The following CUL9 variants were observed in gnomAD, a reference collection of about 807,000 sequenced individuals.
CUL9 encodes the protein cullin-9.
Under a neutral mutation model 272.6 loss-of-function variants are expected in CUL9, and 79 were observed. That is an observed-to-expected ratio of 0.29 (90% CI 0.24 to 0.35). The LOEUF (loss-of-function observed/expected upper bound fraction) is 0.35. CUL9 is among the 10% of genes least tolerant of loss of function. The probability of loss-of-function intolerance (pLI) is 1.00; values close to 1 mark genes in which losing one functional copy is unlikely to be tolerated. For missense variants in CUL9, 2,532 were observed against 3,255.6 expected, an observed-to-expected ratio of 0.78 and a Z score of 5.41; for synonymous variants, 1,186 against 1,286.5, an observed-to-expected ratio of 0.92 and a Z score of 1.67.
At position 43,198,631 on chromosome 6, in the gene CUL9, G is replaced by A. The variant is rs1356598319; in HGVS notation, c.2826G>A (p.Gln942=). 1.2e-6 allele frequency: 2 copies of A among 1,614,196 alleles called. No individual in the cohort carries two copies. The highest frequency in any genetic ancestry group is 1.7e-6 in the Non-Finnish European group (2 of 1,180,032). ...CAGCACTAGAGACCCCCATCATCCA[G>A]GGTCAGGATGGGTCCCCTGAGCTAC... ...ERAALETPII[Q]GQDGSPELLI... is the part of the protein sequence containing the mutation. Residue 942 remains glutamine, a synonymous_variant, in exon 12 of 41, where the codon CAG becomes CAA. Coordinates refer to ENST00000252050, the MANE Select transcript of CUL9 (RefSeq NM_015089.4).
At chr6:43,202,862 T>C in intron 17 of CUL9, 41 bp downstream of exon 17, 2 of 1,577,346 alleles carry the variant, frequency 1.3e-6, no homozygotes, top group Non-Finnish European at 1.7e-6. Flanking sequence ...CTCCACATCC[T>C]TCTTTTTGTC....
At position 43,187,061 on chromosome 6, in the gene CUL9, G is replaced by A. The variant is rs754150924; in HGVS notation, c.1353G>A (p.Val451=). The A allele has an allele frequency of 1.2e-6, 2 of 1,614,108 alleles. No homozygotes were observed. Among genetic ancestry groups the A allele is most frequent in the Non-Finnish European group, 8.5e-7 (1 of 1,179,962 alleles). The part of the protein sequence containing the change: ...EATEDKASAA[V]EKGAGATVLG... ...CTGAGGATAAGGCTTCAGCAGCTGT[G>A]GAGAAGGGGGCAGGGGCTACTGTGT... The change falls in exon 5 of 41, where the codon GTG becomes GTA. Residue 451 remains valine, a synonymous_variant. Transcript: ENST00000252050.
In CUL9 at chr6:43,184,163, C is replaced by T; in HGVS notation, c.-9-139C>T. Reference sequence around the variant, plus strand: ...CTATTTATTCCATCCTATTTTTTGCCTTTTCTGTTTGGCCTCCTAAATTCT... The same window carrying T: ...CTATTTATTCCATCCTATTTTTTGCTTTTTCTGTTTGGCCTCCTAAATTCT... On this transcript the variant is annotated intron_variant, in intron 1 of 40. Coordinates refer to ENST00000252050, the MANE Select transcript of CUL9 (RefSeq NM_015089.4). The surrounding 1 kb of genome is among the most constrained non-coding windows in gnomAD (Gnocchi z 4.8). The T allele has an allele frequency of 3.7e-6, 2 of 537,228 alleles. No individual in the cohort carries two copies. The highest frequency in any genetic ancestry group is 3.1e-6 in the Non-Finnish European group (1 of 322,522). 33.3% of individuals were successfully genotyped at this position (537,228 alleles called of 1,614,324 possible).
At position 43,222,148 on chromosome 6, in the gene CUL9, T is replaced by G. The variant is rs745979381; in HGVS notation, c.6847-168T>G. On this transcript the variant is annotated intron_variant, in intron 35 of 40. Coordinates refer to ENST00000252050, the MANE Select transcript of CUL9 (RefSeq NM_015089.4). ...TTTACTTCTCCAAGCCTCAACAGCC[T>G]CTGCAAAAGGGGTGAATAATATGAC... The G allele has an allele frequency of 7.6e-6, 5 of 654,222 alleles. No homozygotes were observed. In the Admixed American group the frequency reaches 1.3e-4, roughly 18 times the overall value. 40.5% of individuals were successfully genotyped at this position (654,222 alleles called of 1,614,324 possible).
At chr6:43,196,042 C>T (rs1031364605) in intron 9 of CUL9, 27 bp from the exon 10 acceptor site, 11 of 1,593,662 alleles carry the variant, frequency 6.9e-6, no homozygotes, top group Non-Finnish European at 9.4e-6. Flanking sequence ...GCCCCCTCCT[C>T]ACTCTGCTTT....
intron 9 of CUL9, 143 bp downstream of exon 9, chr6:43,193,351 T>G: frequency 4.0e-6 from 3 of 741,276 alleles, no homozygotes; most frequent in Non-Finnish European, 6.8e-6. Context: ...AAGAGTTTGA[T>G]CTGGACATTC....
intron 31 of CUL9, among the ~76,000 whole-genome samples, chr6:43,216,715 G>T (rs541494827): frequency 6.6e-6 from 1 of 152,172 alleles, no homozygotes; most frequent in Non-Finnish European, 1.5e-5. Flanking sequence ...GGGATCCAGC[G>T]ATATATACCA....
At chr6:43,202,680 G>A (rs1774699819) in intron 16 of CUL9, 36 bp from the exon 17 acceptor site, 1 of 1,586,334 alleles carries the variant, frequency 6.3e-7, no homozygotes, top group Non-Finnish European at 8.7e-7. Flanking sequence ...CACGTCCAGA[G>A]GCCCAGCTTT....
chr6:43,191,507 C>CTTTTTTTTTTTTTTTTTTTTTTTT (rs1554167922), intron 8 of CUL9, among the ~76,000 whole-genome samples: 89 of 73,112 alleles, frequency 1.2e-3, no homozygotes, highest in African/African-American at 2.2e-3. Context: ...TTTTTTTTTA[C>CTTTTTTTTTTTTTTTTTTTTTTTT]TTTTTGTAGA....
At position 43,196,628 on chromosome 6, in the gene CUL9, C is replaced by A; in HGVS notation, c.2586-17C>A. 6.2e-7 allele frequency: 1 copy of A among 1,603,426 alleles called. No individual in the cohort carries two copies. The highest frequency in any genetic ancestry group is 1.1e-5 in the South Asian group (1 of 90,826). The stretch of plus-strand genomic sequence containing the variant: ...CATGGTCTCTCAGTTTCTTCCTGGT[C>A]ACCTCCCTCCTCCCAGGTGCTCTTC... On this transcript the variant is annotated splice_polypyrimidine_tract_variant and intron_variant, in intron 10 of 40. Coordinates refer to ENST00000252050, the MANE Select transcript of CUL9 (RefSeq NM_015089.4).
chr6:43,220,845 C>G lies in CUL9; in HGVS notation c.6522C>G (p.Gly2174=). The G allele has an allele frequency of 6.2e-7, 1 of 1,613,670 alleles. No individual in the cohort carries two copies. Among genetic ancestry groups the G allele is most frequent in the Non-Finnish European group, 8.5e-7 (1 of 1,179,958 alleles). Residue 2174 remains glycine, a synonymous_variant, in exon 33 of 41, where the codon GGC becomes GGG. Transcript: ENST00000252050. This position sits in a 1 kb window ranked among gnomAD's most constrained non-coding sequence, Gnocchi z 4.9. ...GCGACCGCATCCTGTGCCGCCAGGG[C>G]CTGGGCTGTGGGACCACCTGCTCCA... ...QGCDRILCRQ[G]LGCGTTCSKC...
rs1451533607 is a variant in CUL9 at position 43,221,021 on chromosome 6, C to T, written c.6588+110C>T. On this transcript the variant is annotated intron_variant, in intron 33 of 40. Coordinates refer to ENST00000252050, the MANE Select transcript of CUL9 (RefSeq NM_015089.4). The surrounding 1 kb of genome is among the most constrained non-coding windows in gnomAD (Gnocchi z 4.2). ...ACTGTGACTTGTCCTTCCTCAGCCT[C>T]TGCCACCCAGTTGAGCTCTGTTCCT... The T allele has an allele frequency of 2.0e-6, 3 of 1,474,782 alleles. No individual in the cohort carries two copies. Among genetic ancestry groups the T allele is most frequent in the Non-Finnish European group, 1.8e-6 (2 of 1,101,644 alleles). The allele number at this position is 1,474,782 out of a possible 1,614,324, so 91.4% of individuals were successfully genotyped here.
chr6:43,205,979 G>A (rs1382697635), intron 24 of CUL9, 28 bp from the exon 25 acceptor site: 2 of 1,605,852 alleles, frequency 1.2e-6, no homozygotes, highest in South Asian at 1.1e-5. Context: ...CCCACACTGA[G>A]GCTTGGCCCG....
At chr6:43,191,962 T>C (rs1245996584) in intron 8 of CUL9, among the ~76,000 whole-genome samples, 1 of 151,820 alleles carries the variant, frequency 6.6e-6, no homozygotes, top group East Asian at 1.9e-4. Flanking sequence ...TTCTCATCTA[T>C]TGATCTATTT....
In CUL9 at chr6:43,184,912, G is replaced by A. The variant is rs1772770482; in HGVS notation, c.595+7G>A. 1 of 1,577,214 alleles carries A rather than the reference G, an allele frequency of 6.3e-7. No individual in the cohort carries two copies. Among genetic ancestry groups the A allele is most frequent in the East Asian group, 2.3e-5 (1 of 44,338 alleles). Reference sequence around the variant, plus strand: ...CTGGCAGCCCACGATGCTGGTAAGAGACAGCCAGGGAAGAAGGAAAGGAAT... The same window carrying A: ...CTGGCAGCCCACGATGCTGGTAAGAAACAGCCAGGGAAGAAGGAAAGGAAT... On this transcript the variant is annotated splice_region_variant and intron_variant, in intron 2 of 40. Coordinates refer to ENST00000252050, the MANE Select transcript of CUL9 (RefSeq NM_015089.4). The surrounding 1 kb of genome is among the most constrained non-coding windows in gnomAD (Gnocchi z 4.8).
At position 43,206,093 on chromosome 6, in the gene CUL9, A is replaced by T. The variant is rs756581760; in HGVS notation, c.4880A>T (p.Asn1627Ile). 6.2e-7 allele frequency: 1 copy of T among 1,614,106 alleles called. No individual in the cohort carries two copies. The highest frequency in any genetic ancestry group is 1.1e-5 in the South Asian group (1 of 91,082). The change falls in exon 25 of 41, where the codon AAC (asparagine) becomes ATC (isoleucine). Residue 1627 changes from asparagine to isoleucine, a missense_variant. By Grantham distance (149) the Asn-to-Ile change is moderately radical (BLOSUM62 -3). Transcript: ENST00000252050. The surrounding 1 kb of genome is among the most constrained non-coding windows in gnomAD (Gnocchi z 4.8). ...VLEQIGLCFP[N>I]RLPQLMLQSL... ...GAGCAGATTGGCCTCTGTTTTCCCA[A>T]CCGCCTCCCACAGCTGATGCTGCAG...
rs765308577 is a variant in CUL9 at position 43,193,052 on chromosome 6, G to C, written c.2232G>C (p.Glu744Asp). 3 of 1,614,112 alleles carry C rather than the reference G, an allele frequency of 1.9e-6. No homozygotes were observed. The highest frequency in any genetic ancestry group is 1.7e-6 in the Non-Finnish European group (2 of 1,180,032). Residue 744 changes from glutamate to aspartate, a missense_variant, in exon 9 of 41, where the codon GAG (glutamate) becomes GAC (aspartate). By Grantham distance (45) the Glu-to-Asp change is conservative. This residue lies in a region of CUL9 where 2,218 missense variants were observed against 2,788.6 expected (regional missense o/e 0.80). Coordinates refer to ENST00000252050, the MANE Select transcript of CUL9 (RefSeq NM_015089.4). Reference protein sequence around the residue: ...LVELLTNQVGEKMVVVQALRL... With the variant: ...LVELLTNQVGDKMVVVQALRL... ...AGCTGCTGACCAACCAGGTGGGAGA[G>C]AAGATGGTGGTCGTGCAGGCCCTGC...
At chr6:43,198,322 AG>A in intron 11 of CUL9, 1 of 978,124 alleles carries the variant, frequency 1.0e-6, no homozygotes, top group Non-Finnish European at 1.2e-6. Flanking sequence ...TAATCATCAT[AG>A]TTAATATTTA....
Position 43,223,094 on chromosome 6 carries a change from G to A in CUL9, c.7151-170G>A. 9.5e-7 allele frequency: 1 copy of A among 1,050,988 alleles called. No individual in the cohort carries two copies. The highest frequency in any genetic ancestry group is 1.4e-6 in the Non-Finnish European group (1 of 733,836). 65.1% of individuals were successfully genotyped at this position (1,050,988 alleles called of 1,614,324 possible). The stretch of plus-strand genomic sequence containing the variant: ...TTGTAAGGTGCCCAAGGGCGCAGAT[G>A]TTCGTGGATGTTTCTTGGTTTCTGG... On this transcript the variant is annotated intron_variant, in intron 38 of 40. Transcript: ENST00000252050. This position sits in a 1 kb window ranked among gnomAD's most constrained non-coding sequence, Gnocchi z 4.1.
Sources: gnomAD v4.1 joint callset for allele counts (sites outside exome capture counted in the v4.1 genomes callset) on GRCh38, gnomAD v4.1.1 for gene constraint, gnomAD v4.1.1 regional missense constraint, Gnocchi (gnomAD v3.1) non-coding constraint, MANE v1.5 for transcripts, NCBI Gene and HGNC (gene_info 2026-07-23, HGNC 2026-07-21) for gene names.